The following EYA2 variants were observed in gnomAD, a reference collection of about 807,000 sequenced individuals.
The protein encoded by EYA2 is EYA transcriptional coactivator and phosphatase 2.
EYA2 carries 31 observed loss-of-function variants against 69.2 expected under a neutral mutation model. That is an observed-to-expected ratio of 0.45 (90% CI 0.34 to 0.60). The LOEUF is 0.60. Ranked by LOEUF, EYA2 falls within the 20% of genes least tolerant of loss-of-function variation. The pLI, the probability that EYA2 is intolerant of heterozygous loss-of-function variation, is 0.02. For missense variants in EYA2, 622 were observed against 701.2 expected (o/e 0.89, Z 1.28); for synonymous variants, 257 against 279.4 (o/e 0.92, Z 0.80).
At chr20:47,156,263 G>A in intron 10 of EYA2, among the ~76,000 whole-genome samples, 1 of 146,470 alleles carries the variant, frequency 6.8e-6, no homozygotes. Flanking sequence ...GAGCCCGGGA[G>A]ACAGAGGTTG....
intron 10 of EYA2, among the ~76,000 whole-genome samples, chr20:47,167,503 C>T (rs926591934): frequency 1.3e-5 from 2 of 151,888 alleles, no homozygotes; most frequent in African/African-American, 4.8e-5. Context: ...AGGCTGGTCT[C>T]AAACTCCTGG....
intron 5 of EYA2, among the ~76,000 whole-genome samples, chr20:47,060,088 C>T (rs1294599688): frequency 6.6e-6 from 1 of 152,174 alleles, no homozygotes; most frequent in Non-Finnish European, 1.5e-5. Flanking sequence ...GAAGCCCTGG[C>T]TACATTAGAC....
rs149822547 is a variant in EYA2 at position 46,990,108 on chromosome 20, G to A, written c.98G>A (p.Ser33Asn). 27 of 1,602,616 alleles carry A rather than the reference G, an allele frequency of 1.7e-5. No homozygotes were observed. The highest frequency in any genetic ancestry group is 2.1e-5 in the Non-Finnish European group (25 of 1,169,772). ...NRADAAVWTLSDRQGITKSAP... is the reference protein window; with the variant it reads ...NRADAAVWTLNDRQGITKSAP... ...GCTGACGCTGCTGTGTGGACTCTGA[G>A]TGACAGACAAGGTAGGCTTCCTGCT... Residue 33 changes from serine (S) to asparagine (N), a missense_variant, in exon 2 of 16, where the codon AGT becomes AAT. Ser to Asn is a conservative substitution (Grantham distance 46, BLOSUM62 1). This residue lies in a region of EYA2 where 365 missense variants were observed against 349.7 expected (regional missense o/e 1.04). Transcript: ENST00000327619.
In EYA2 at chr20:46,918,894, T is replaced by A. The variant is rs1470342463; in HGVS notation, c.-11+23907T>A. 2.0e-5 allele frequency among the ~76,000 whole-genome samples: 3 copies of A among 152,236 alleles called. No individual in the cohort carries two copies. In the East Asian group the frequency reaches 5.8e-4, roughly 29 times the overall value. ...AAATTTGAAAGTCAAAATTACTCCT[T>A]GATCCATGGGCTGCAGAATGGATGC... On this transcript the variant is annotated intron_variant, in intron 1 of 15. Transcript: ENST00000327619.
chr20:46,928,640 G>A (rs1330460777), intron 1 of EYA2, among the ~76,000 whole-genome samples: 5 of 152,198 alleles, frequency 3.3e-5, no homozygotes, highest in Non-Finnish European at 7.3e-5. Context: ...TGTGCCCTCC[G>A]GGAGCTGTTG....
intron 5 of EYA2, among the ~76,000 whole-genome samples, chr20:47,039,621 A>G (rs751582571): frequency 2.0e-4 from 30 of 152,006 alleles, no homozygotes; most frequent in Non-Finnish European, 4.0e-4. Flanking sequence ...ACAAAATCAC[A>G]CCCTCACTGC....
intron 5 of EYA2, among the ~76,000 whole-genome samples, chr20:47,053,744 T>G (rs1406794680): frequency 6.6e-6 from 1 of 150,382 alleles, no homozygotes; most frequent in Admixed American, 6.6e-5. Flanking sequence ...TGAATATTGG[T>G]TCTTGGGAGA....
chr20:46,968,630 A>G (rs1047870090), intron 1 of EYA2, among the ~76,000 whole-genome samples: 2 of 151,994 alleles, frequency 1.3e-5, no homozygotes, highest in African/African-American at 4.8e-5. Flanking sequence ...GGGTTGGATG[A>G]TTGTTGTGGA....
rs1297820243 is a variant in EYA2 at position 47,006,545 on chromosome 20, G to A, written c.298+1461G>A. ...TCCCACCTAGAGGGGTCCTGCTTGA[G>A]TTGAGTGCAGAGGCTGACTCTTACA... On this transcript the variant is annotated intron_variant, in intron 4 of 15. Transcript: ENST00000327619. Among the ~76,000 whole-genome samples the A allele has an allele frequency of 2.0e-5, 3 of 152,300 alleles. No individual in the cohort carries two copies. The East Asian group carries it at 5.8e-4, about 29-fold the overall frequency.
chr20:46,918,276 G>A (rs1014591196), intron 1 of EYA2, among the ~76,000 whole-genome samples: 2 of 151,708 alleles, frequency 1.3e-5, no homozygotes, highest in Non-Finnish European at 2.9e-5. Context: ...AGCCGAGATC[G>A]CGCCAGTGCA....
intron 5 of EYA2, among the ~76,000 whole-genome samples, chr20:47,030,887 G>A (rs945921712): frequency 6.6e-6 from 1 of 152,198 alleles, no homozygotes; most frequent in Non-Finnish European, 1.5e-5. Flanking sequence ...CTCCTGAGTA[G>A]CTGAGACTAC....
rs941765818 is a variant in EYA2 at position 47,188,635 on chromosome 20, A to G, written c.*502A>G. ...CTCCAAGTTGTGCTTTGTGGGGACA[A>G]TCATTCTTTGAACATTAGAGAGGAA... On this transcript the variant is annotated 3_prime_UTR_variant, in exon 16 of 16. Transcript: ENST00000327619. 8.6e-6 allele frequency: 3 copies of G among 349,248 alleles called. No individual in the cohort carries two copies. The highest frequency in any genetic ancestry group is 4.2e-5 in the African/African-American group (2 of 47,814). 21.6% of individuals were successfully genotyped at this position (349,248 alleles called of 1,614,324 possible).
At chr20:47,031,880 C>G (rs915464701) in intron 5 of EYA2, among the ~76,000 whole-genome samples, 7 of 152,086 alleles carry the variant, frequency 4.6e-5, no homozygotes, top group African/African-American at 1.7e-4. Context: ...ATTTTAAAAA[C>G]CAGTACAAAC....
At chr20:47,162,303 C>A (rs1031204307) in intron 10 of EYA2, among the ~76,000 whole-genome samples, 2 of 152,074 alleles carry the variant, frequency 1.3e-5, no homozygotes, top group African/African-American at 2.4e-5. Flanking sequence ...AGGCATGTTC[C>A]TACACTCCTC....
At chr20:46,919,872 C>T (rs1260293626) in intron 1 of EYA2, among the ~76,000 whole-genome samples, 2 of 152,210 alleles carry the variant, frequency 1.3e-5, no homozygotes, top group Non-Finnish European at 2.9e-5. Flanking sequence ...GCGACTCTTC[C>T]TTTCACTTGA....
intron 9 of EYA2, among the ~76,000 whole-genome samples, chr20:47,136,945 A>T (rs993361414): frequency 7.9e-5 from 12 of 152,024 alleles, no homozygotes; most frequent in African/African-American, 2.9e-4. Flanking sequence ...ACGCTAAGAA[A>T]ATCTACAGCG....
rs796543825 is a variant in EYA2 at position 47,028,945 on chromosome 20, C to T, written c.415+12648C>T. Reference sequence around the variant, plus strand: ...ATTCAAAATTTAAATTAAAAAAAAACAAATGCCAGAAATCTTTTATAAGAA... The same window carrying T: ...ATTCAAAATTTAAATTAAAAAAAAATAAATGCCAGAAATCTTTTATAAGAA... On this transcript the variant is annotated intron_variant, in intron 5 of 15. Coordinates refer to ENST00000327619, the MANE Select transcript of EYA2 (RefSeq NM_005244.5). Among the ~76,000 whole-genome samples, 6 of 135,562 alleles carry T rather than the reference C, an allele frequency of 4.4e-5. No individual in the cohort carries two copies. The East Asian group carries it at 1.2e-3, about 26-fold the overall frequency. The allele number at this position is 135,562 out of a possible 152,430, so 88.9% of individuals were successfully genotyped here.
At position 47,019,300 on chromosome 20, in the gene EYA2, C is replaced by T. The variant is rs901131817; in HGVS notation, c.415+3003C>T. Among the ~76,000 whole-genome samples, 74 of 152,214 alleles carry T rather than the reference C, an allele frequency of 4.9e-4. 1 individual carries two copies. Among genetic ancestry groups the T allele is most frequent in the Admixed American group, 4.8e-3 (73 of 15,286 alleles). ...CACAGCCCAGATGACAGAAGGGCAG[C>T]GGCAGCAGCTGGGCTTCGTCCCAAT... On this transcript the variant is annotated intron_variant, in intron 5 of 15. Transcript: ENST00000327619.
At chr20:46,895,761 C>A (rs138590592) in intron 1 of EYA2, among the ~76,000 whole-genome samples, 1 of 152,200 alleles carries the variant, frequency 6.6e-6, no homozygotes, top group Non-Finnish European at 1.5e-5. Context: ...GCCTCCCCCC[C>A]AGCAATAAAT....
Sources: gnomAD v4.1 joint callset for allele counts (sites outside exome capture counted in the v4.1 genomes callset) on GRCh38, gnomAD v4.1.1 for gene constraint, gnomAD v4.1.1 regional missense constraint, MANE v1.5 for transcripts, NCBI Gene and HGNC (gene_info 2026-07-23, HGNC 2026-07-21) for gene names.